The following PDE8B variants were observed in gnomAD, a reference collection of about 807,000 sequenced individuals.
The protein encoded by PDE8B is phosphodiesterase 8B.
Under a neutral mutation model 101.3 loss-of-function variants are expected in PDE8B, and 26 were observed. The observed-to-expected ratio is 0.26, with a 90% CI of 0.19 to 0.36. PDE8B has a LOEUF of 0.36. Among genes scored for constraint, PDE8B ranks in the 10% least tolerant of loss-of-function variants. PDE8B has a pLI of 1.00. For synonymous variants in PDE8B, 424 were observed against 429.3 expected (o/e 0.99, Z 0.15); for missense variants, 810 against 1,163.1 (o/e 0.70, Z 4.42).
chr5:77,123,552 A>T, the PDE8B span, among the ~76,000 whole-genome samples: 1 of 151,978 alleles, frequency 6.6e-6, no homozygotes, highest in Non-Finnish European at 1.5e-5. Context: ...GAGCCCAGGA[A>T]TTTGAGACCA....
At chr5:77,179,147 ATGCT>A in the PDE8B span, among the ~76,000 whole-genome samples, 1 of 152,262 alleles carries the variant, frequency 6.6e-6, no homozygotes, top group African/African-American at 2.4e-5. Flanking sequence ...TTGTGAAAAA[ATGCT>A]TGGGCTCCTA....
At chr5:77,332,032 TAACCA>T (rs1777229502) in intron 5 of PDE8B, among the ~76,000 whole-genome samples, 1 of 151,926 alleles carries the variant, frequency 6.6e-6, no homozygotes, top group Admixed American at 6.6e-5. Context: ...ACAAACTAAA[TAACCA>T]AGCTCACCCA....
the PDE8B span, among the ~76,000 whole-genome samples, chr5:77,197,358 C>T: frequency 6.6e-6 from 1 of 151,874 alleles, no homozygotes. Flanking sequence ...CTCAAGTGAT[C>T]CACCCACCTT....
intron 1 of PDE8B, among the ~76,000 whole-genome samples, chr5:77,310,202 C>T (rs1319006813): frequency 2.0e-5 from 3 of 152,190 alleles, no homozygotes; most frequent in Non-Finnish European, 4.4e-5. Flanking sequence ...CTGCCCACCT[C>T]GGCCTCCCAA....
chr5:77,296,051 G>A (rs2149991981), intron 1 of PDE8B, among the ~76,000 whole-genome samples: 1 of 152,288 alleles, frequency 6.6e-6, no homozygotes, highest in East Asian at 1.9e-4. Context: ...AATTGCTGTA[G>A]CAGTCCAAGT....
chr5:77,349,976 C>T (rs1382420343), intron 8 of PDE8B, among the ~76,000 whole-genome samples: 2 of 152,070 alleles, frequency 1.3e-5, no homozygotes, highest in Non-Finnish European at 2.9e-5. Flanking sequence ...GTTCTCTGAT[C>T]GCTGTTCAAC....
intron 2 of PDE8B, among the ~76,000 whole-genome samples, chr5:77,312,930 T>C (rs1772992168): frequency 2.0e-5 from 3 of 152,224 alleles, no homozygotes; most frequent in Admixed American, 1.3e-4. Flanking sequence ...TTCACTCTAA[T>C]AATGGCAGCA....
chr5:77,383,587 T>G (rs1787947334), intron 10 of PDE8B, among the ~76,000 whole-genome samples: 2 of 152,334 alleles, frequency 1.3e-5, no homozygotes, highest in South Asian at 4.1e-4. Context: ...TTGCCTAGGT[T>G]TTCTTCCAGG....
chr5:77,426,092 C>G (rs1218857700), intron 21 of PDE8B, 196 bp downstream of exon 21: 1 of 639,182 alleles, frequency 1.6e-6, no homozygotes, highest in East Asian at 2.8e-5. Flanking sequence ...GTGCAGAAGA[C>G]TTGATGGATT....
the PDE8B span, among the ~76,000 whole-genome samples, chr5:77,191,624 A>G: frequency 1.3e-5 from 2 of 152,096 alleles, no homozygotes; most frequent in Non-Finnish European, 2.9e-5. Context: ...AAGTGTTGGG[A>G]TTACAGGCGT....
intron 1 of PDE8B, chr5:77,291,912 C>T: frequency 1.1e-6 from 1 of 947,158 alleles, no homozygotes; most frequent in Non-Finnish European, 1.7e-6. Flanking sequence ...ATGACTGTGA[C>T]AGTGACTAAT....
At chr5:77,192,456 A>T in the PDE8B span, among the ~76,000 whole-genome samples, 1 of 152,076 alleles carries the variant, frequency 6.6e-6, no homozygotes, top group South Asian at 2.1e-4. Context: ...GTCTTGTTTC[A>T]CCCAGTATAA....
intron 12 of PDE8B, among the ~76,000 whole-genome samples, chr5:77,406,524 GTCT>G (rs1386600564): frequency 2.0e-5 from 3 of 152,312 alleles, no homozygotes; most frequent in Middle Eastern, 3.4e-3. Flanking sequence ...GAAGGGGACT[GTCT>G]TCTTTCCAGT....
At chr5:77,147,149 G>C in the PDE8B span, 1 of 345,766 alleles carries the variant, frequency 2.9e-6, no homozygotes, top group East Asian at 7.2e-5. Context: ...AGATGATGAT[G>C]ATGATGATAA....
intron 1 of PDE8B, among the ~76,000 whole-genome samples, chr5:77,237,345 A>G (rs1754894989): frequency 6.6e-6 from 1 of 151,932 alleles, no homozygotes; most frequent in South Asian, 2.1e-4. Context: ...TGGTTTATTC[A>G]AACATTTTTT....
At chr5:77,349,716 A>C (rs537632968) in intron 8 of PDE8B, among the ~76,000 whole-genome samples, 157 bp downstream of exon 8, 9 of 152,216 alleles carry the variant, frequency 5.9e-5, no homozygotes, top group African/African-American at 1.9e-4. Flanking sequence ...TTTTAAGTTA[A>C]CTTTGGAACT....
chr5:77,335,015 CTTTG>C (rs1035356882), intron 5 of PDE8B, among the ~76,000 whole-genome samples: 22 of 152,188 alleles, frequency 1.4e-4, no homozygotes, highest in African/African-American at 4.1e-4. Flanking sequence ...AACCTGCTAA[CTTTG>C]TTTATCCCAA....
intron 2 of PDE8B, among the ~76,000 whole-genome samples, chr5:77,320,981 A>G (rs1774917982): frequency 6.6e-6 from 1 of 151,998 alleles, no homozygotes; most frequent in African/African-American, 2.4e-5. Context: ...ATACCAAAAA[A>G]GTACATAAGT....
In PDE8B at chr5:77,291,507, G is replaced by T. The variant is rs578146493; in HGVS notation, c.340-20487G>T. 19 of 1,609,020 alleles carry T rather than the reference G, an allele frequency of 1.2e-5. No individual in the cohort carries two copies. The African/African-American group carries it at 2.3e-4, about 19-fold the overall frequency. On this transcript the variant is annotated intron_variant, in intron 1 of 21. Coordinates refer to ENST00000264917, the MANE Select transcript of PDE8B (RefSeq NM_003719.5). ...GTATGTCTTTAAATTCAAGAATGAAGAAGAGGTCTTTGCATGGAATACTGA... is the reference window on the plus strand; with the variant it reads ...GTATGTCTTTAAATTCAAGAATGAATAAGAGGTCTTTGCATGGAATACTGA...
Sources: allele counts gnomAD v4.1 joint callset (sites outside exome capture counted in the v4.1 genomes callset), GRCh38; gene constraint gnomAD v4.1.1; transcripts MANE v1.5; gene names NCBI Gene and HGNC (gene_info 2026-07-23, HGNC 2026-07-21).